ANXA8: variants seen among roughly 807,000 people sequenced by gnomAD.
ANXA8 encodes the protein VAC-beta.
In ANXA8, 9 loss-of-function variants were observed where a neutral mutation model predicts 26.8. The observed-to-expected ratio is 0.34, with a 90% CI of 0.20 to 0.59. The LOEUF (loss-of-function observed/expected upper bound fraction) is 0.59. ANXA8 is among the 20% of genes least tolerant of loss of function. The probability of loss-of-function intolerance (pLI) is 0.84; values close to 1 mark genes in which losing one functional copy is unlikely to be tolerated. For missense variants in ANXA8, 83 were observed against 238.5 expected, an observed-to-expected ratio of 0.35 and a Z score of 4.29; for synonymous variants, 39 against 94.8, an observed-to-expected ratio of 0.41 and a Z score of 3.42.
Position 47,468,921 on chromosome 10 carries a change from C to A in ANXA8, c.925-15G>T, listed in dbSNP as rs1184901326. On this transcript the variant is annotated splice_polypyrimidine_tract_variant and intron_variant, in intron 11 of 11. Transcript: ENST00000585281. ...CTGGTGTCTTCCTGTGGGCAGGAGG[C>A]GCATAAGCGTGAGAAGGGGTTTGCT... 4 of 1,610,460 alleles carry A rather than the reference C, an allele frequency of 2.5e-6. No homozygotes were observed. Among genetic ancestry groups the A allele is most frequent in the Admixed American group, 1.7e-5 (1 of 59,806 alleles).
chr10:47,503,411 GT>G, the ANXA8 span: 1 of 1,610,184 alleles, frequency 6.2e-7, no homozygotes. Flanking sequence ...ACGGGGGTGG[GT>G]GTGTTGGCAG....
the ANXA8 span, among the ~76,000 whole-genome samples, chr10:47,945,176 G>A: frequency 6.7e-6 from 1 of 149,934 alleles, no homozygotes; most frequent in African/African-American, 2.5e-5. Flanking sequence ...CCTCACTTGT[G>A]CTTCCACTGC....
the ANXA8 span, chr10:47,690,978 G>C: frequency 6.2e-7 from 1 of 1,611,226 alleles, no homozygotes; most frequent in Non-Finnish European, 8.5e-7. Context: ...CTGAATTTAA[G>C]AGTATTAAAA....
chr10:47,496,949 C>A, the ANXA8 span, among the ~76,000 whole-genome samples: 2 of 138,564 alleles, frequency 1.4e-5, no homozygotes, highest in South Asian at 4.8e-4. Context: ...AAGATACTAT[C>A]TTTCCCCCTC....
At chr10:47,895,237 G>A in the ANXA8 span, among the ~76,000 whole-genome samples, 1 of 152,132 alleles carries the variant, frequency 6.6e-6, no homozygotes, top group Non-Finnish European at 1.5e-5. Flanking sequence ...ATGTGACTGG[G>A]GAGCACCGGC....
the ANXA8 span, chr10:47,568,032 T>C: frequency 1.3e-6 from 1 of 742,914 alleles, no homozygotes; most frequent in Non-Finnish European, 2.4e-6. Flanking sequence ...TTTTTGTTTT[T>C]GTTTTTGTTT....
At chr10:47,938,752 T>A in the ANXA8 span, among the ~76,000 whole-genome samples, 1 of 149,310 alleles carries the variant, frequency 6.7e-6, no homozygotes, top group African/African-American at 2.5e-5. Flanking sequence ...CACTCAGGAC[T>A]GGGGAGTGTC....
At chr10:47,517,567 C>A in the ANXA8 span, among the ~76,000 whole-genome samples, 9 of 142,664 alleles carry the variant, frequency 6.3e-5, no homozygotes, top group African/African-American at 2.1e-4. Flanking sequence ...CCACCATGCC[C>A]AGCCTTAAGG....
upstream of ANXA8, chr10:47,484,402 T>A: frequency 9.3e-7 from 1 of 1,073,704 alleles, no homozygotes; most frequent in Non-Finnish European, 1.3e-6. Context: ...TCACTCCTAA[T>A]AGCCATGGAG....
At chr10:47,535,933 C>A in the ANXA8 span, among the ~76,000 whole-genome samples, 1 of 5,442 alleles carries the variant, frequency 1.8e-4, no homozygotes, top group East Asian at 3.3e-3. Flanking sequence ...GGAGACTCTG[C>A]CCTCATGACT....
At chr10:47,733,185 C>CT in the ANXA8 span, among the ~76,000 whole-genome samples, 1 of 113,718 alleles carries the variant, frequency 8.8e-6, no homozygotes, top group Non-Finnish European at 2.0e-5. Flanking sequence ...TTCTTTCTTT[C>CT]TTTCTTTCTT....
the ANXA8 span, among the ~76,000 whole-genome samples, chr10:47,970,944 C>T: frequency 6.6e-6 from 1 of 151,258 alleles, no homozygotes; most frequent in African/African-American, 2.4e-5. Flanking sequence ...GTGGAGTGAC[C>T]CCCACCAGGA....
the ANXA8 span, among the ~76,000 whole-genome samples, chr10:47,954,252 G>A: frequency 6.6e-6 from 1 of 150,890 alleles, no homozygotes; most frequent in Non-Finnish European, 1.5e-5. Flanking sequence ...AACATGGATG[G>A]AATTAGAGGA....
At chr10:47,563,710 T>A in the ANXA8 span, 47 of 801,590 alleles carry the variant, frequency 5.9e-5, no homozygotes, top group Admixed American at 8.1e-4. Flanking sequence ...TCTTGCTACC[T>A]AATGAGAACT....
At chr10:47,574,525 AT>A in the ANXA8 span, among the ~76,000 whole-genome samples, 1 of 92,866 alleles carries the variant, frequency 1.1e-5, no homozygotes, top group South Asian at 4.9e-4. Context: ...GGGAGAAAGA[AT>A]GGGGAAGAGA....
At chr10:47,616,186 C>T in the ANXA8 span, among the ~76,000 whole-genome samples, 13 of 69,022 alleles carry the variant, frequency 1.9e-4, 2 homozygotes, top group East Asian at 1.4e-3. Flanking sequence ...CGGATTGTAA[C>T]GGGGAAAACA....
chr10:47,675,551 G>C, the ANXA8 span, among the ~76,000 whole-genome samples: 2 of 151,888 alleles, frequency 1.3e-5, no homozygotes, highest in African/African-American at 2.4e-5. Context: ...TTAAATTAAA[G>C]CTGCATCATA....
chr10:47,705,053 G>T, the ANXA8 span, among the ~76,000 whole-genome samples: 1 of 152,018 alleles, frequency 6.6e-6, no homozygotes, highest in Admixed American at 6.5e-5. Context: ...ATCTCTTGAG[G>T]CAAAGAGTTA....
At chr10:47,522,420 A>C in the ANXA8 span, among the ~76,000 whole-genome samples, 8 of 150,116 alleles carry the variant, frequency 5.3e-5, no homozygotes, top group Admixed American at 3.3e-4. Flanking sequence ...ACACACACAC[A>C]CAACCATTTT....
Sources: gnomAD v4.1 joint callset for allele counts (sites outside exome capture counted in the v4.1 genomes callset) on GRCh38, gnomAD v4.1.1 for gene constraint, MANE v1.5 for transcripts, NCBI Gene and HGNC (gene_info 2026-07-23, HGNC 2026-07-21) for gene names.